The following CLVS1 variants were observed in gnomAD, a reference collection of about 807,000 sequenced individuals.
CLVS1 encodes clavesin-1.
Under a neutral mutation model 33.1 loss-of-function variants are expected in CLVS1, and 10 were observed. The observed-to-expected ratio is 0.30, with a 90% CI of 0.19 to 0.51. The LOEUF is 0.51. Ranked by LOEUF, CLVS1 falls within the 20% of genes least tolerant of loss-of-function variation. CLVS1 has a pLI of 0.97. For synonymous variants in CLVS1, 163 were observed against 166.1 expected, an observed-to-expected ratio of 0.98 and a Z score of 0.14; for missense variants, 343 against 433.4, an observed-to-expected ratio of 0.79 and a Z score of 1.85.
chr8:61,038,452 T>C, the CLVS1 span, among the ~76,000 whole-genome samples: 1 of 147,122 alleles, frequency 6.8e-6, no homozygotes, highest in East Asian at 2.0e-4. Context: ...TATATATATA[T>C]ATATGACATA....
chr8:61,224,915 C>T (rs1808295798), intron 2 of CLVS1, among the ~76,000 whole-genome samples: 1 of 152,204 alleles, frequency 6.6e-6, no homozygotes, highest in Non-Finnish European at 1.5e-5. Flanking sequence ...ATTTCTAACC[C>T]TCTAAGTGCA....
the CLVS1 span, among the ~76,000 whole-genome samples, chr8:60,970,322 T>C: frequency 2.0e-5 from 3 of 152,366 alleles, no homozygotes; most frequent in Non-Finnish European, 4.4e-5. Flanking sequence ...GACCGGCTGC[T>C]GGTCATCCTG....
Position 61,316,362 on chromosome 8 carries a change from G to A in CLVS1, c.455+16080G>A, listed in dbSNP as rs576174061. ...GTAGACACGTGCATTTGGTGGAAGA[G>A]GAGATACCCAGCTTCTATCAGATTC... is the stretch of plus-strand genomic sequence containing the variant. On this transcript the variant is annotated intron_variant, in intron 2 of 5. Coordinates refer to ENST00000325897, the MANE Select transcript of CLVS1 (RefSeq NM_173519.3). Among the ~76,000 whole-genome samples the A allele has an allele frequency of 3.3e-5, 5 of 152,284 alleles. No individual in the cohort carries two copies. The East Asian group carries it at 9.6e-4, about 29-fold the overall frequency.
chr8:61,431,619 T>C (rs1816117980), intron 3 of CLVS1, among the ~76,000 whole-genome samples: 1 of 152,224 alleles, frequency 6.6e-6, no homozygotes, highest in Non-Finnish European at 1.5e-5. Flanking sequence ...ATTTTCTTTT[T>C]TTCTTTCATT....
intron 1 of CLVS1, among the ~76,000 whole-genome samples, chr8:61,101,241 C>T (rs1273467704): frequency 1.3e-5 from 2 of 152,108 alleles, no homozygotes; most frequent in Non-Finnish European, 1.5e-5. Context: ...TCCACATCTT[C>T]GCCAATACTT....
chr8:61,115,363 TTTTA>T (rs753560215), intron 1 of CLVS1, among the ~76,000 whole-genome samples: 51 of 149,266 alleles, frequency 3.4e-4, no homozygotes, highest in African/African-American at 6.1e-4. Context: ...TTATTTTTAT[TTTTA>T]TTTATTTATT....
chr8:61,082,234 A>G (rs1309308208), intron 1 of CLVS1, among the ~76,000 whole-genome samples: 2 of 152,238 alleles, frequency 1.3e-5, no homozygotes, highest in African/African-American at 4.8e-5. Flanking sequence ...AGAAATGTCA[A>G]TAGAAACTTG....
chr8:61,379,132 T>C (rs1432713019), intron 3 of CLVS1, among the ~76,000 whole-genome samples: 1 of 152,136 alleles, frequency 6.6e-6, no homozygotes, highest in Non-Finnish European at 1.5e-5. Flanking sequence ...CCTTTGGACA[T>C]GTGGGAGGTT....
rs1203601905 is a variant in CLVS1, at chr8:61,386,613, T to A, written c.630+9834T>A. Among the ~76,000 whole-genome samples the A allele has an allele frequency of 5.9e-5, 9 of 151,998 alleles. No homozygotes were observed. The East Asian group carries it at 1.3e-3, about 23-fold the overall frequency. On this transcript the variant is annotated intron_variant, in intron 3 of 5. Coordinates refer to ENST00000325897, the MANE Select transcript of CLVS1 (RefSeq NM_173519.3). Reference sequence around the variant, plus strand: ...TGGGAATTTCTAGCTCAGGAGGCAGTCTAGTGTTCATGATATAAGTCTAGT... The same window carrying A: ...TGGGAATTTCTAGCTCAGGAGGCAGACTAGTGTTCATGATATAAGTCTAGT...
intron 1 of CLVS1, among the ~76,000 whole-genome samples, chr8:61,108,556 C>T (rs1207592956): frequency 6.6e-6 from 1 of 152,130 alleles, no homozygotes; most frequent in African/African-American, 2.4e-5. Flanking sequence ...ATGAAAGAGA[C>T]ATATATTATT....
At chr8:61,340,378 T>C (rs1376065487) in intron 2 of CLVS1, among the ~76,000 whole-genome samples, 1 of 152,216 alleles carries the variant, frequency 6.6e-6, no homozygotes, top group Non-Finnish European at 1.5e-5. Flanking sequence ...GCTGCCCTTC[T>C]ACTGTCTACT....
At chr8:61,032,617 C>G in the CLVS1 span, among the ~76,000 whole-genome samples, 1 of 152,152 alleles carries the variant, frequency 6.6e-6, no homozygotes, top group Non-Finnish European at 1.5e-5. Flanking sequence ...AAAACAGGAC[C>G]TTGAATGAAG....
chr8:61,000,639 TCTC>T, the CLVS1 span, among the ~76,000 whole-genome samples: 9,771 of 152,264 alleles, frequency 0.064, 365 homozygotes, highest in African/African-American at 0.081. Flanking sequence ...GCAAAACAGT[TCTC>T]CTCATGCTTG....
intron 2 of CLVS1, among the ~76,000 whole-genome samples, chr8:61,277,740 G>A (rs891816889): frequency 4.6e-5 from 7 of 152,168 alleles, no homozygotes; most frequent in East Asian, 1.9e-4. Context: ...TGATAATAAC[G>A]TCCGTAGATT....
At chr8:61,274,570 C>T (rs541363483) in intron 2 of CLVS1, among the ~76,000 whole-genome samples, 43 of 152,212 alleles carry the variant, frequency 2.8e-4, no homozygotes, top group Non-Finnish European at 5.1e-4. Context: ...AAACATGTAG[C>T]GAATCTGAGA....
intron 2 of CLVS1, among the ~76,000 whole-genome samples, chr8:61,183,552 G>A (rs1048020856): frequency 4.6e-5 from 7 of 151,898 alleles, no homozygotes; most frequent in East Asian, 1.9e-4. Flanking sequence ...GTTGTTACAC[G>A]CAGCTGAATT....
chr8:61,130,240 A>T (rs868279577), intron 1 of CLVS1, among the ~76,000 whole-genome samples: 33 of 140,090 alleles, frequency 2.4e-4, no homozygotes, highest in African/African-American at 7.7e-4. Flanking sequence ...TCTGTCTCAA[A>T]AAATAAATAA....
At chr8:61,412,195 T>A (rs1260161680) in intron 3 of CLVS1, among the ~76,000 whole-genome samples, 1 of 152,178 alleles carries the variant, frequency 6.6e-6, no homozygotes, top group East Asian at 1.9e-4. Flanking sequence ...TGGTGGAGGA[T>A]GTGAATATAT....
intron 5 of CLVS1, among the ~76,000 whole-genome samples, chr8:61,487,410 C>G (rs1168843560): frequency 6.6e-6 from 1 of 152,200 alleles, no homozygotes; most frequent in Non-Finnish European, 1.5e-5. Context: ...TACCTCAGAT[C>G]ACAGAGCTAG....
Sources: gnomAD v4.1 joint callset for allele counts (sites outside exome capture counted in the v4.1 genomes callset) on GRCh38, gnomAD v4.1.1 for gene constraint, MANE v1.5 for transcripts, NCBI Gene and HGNC (gene_info 2026-07-23, HGNC 2026-07-21) for gene names.